Variants in SH3PXD2A observed in about 807,000 individuals in gnomAD.
The protein encoded by SH3PXD2A is SH3 and PX domain-containing protein 2A.
A neutral mutation model predicts 115.2 loss-of-function variants in SH3PXD2A; 32 were observed. That is an observed-to-expected ratio of 0.28 (90% CI 0.21 to 0.37). SH3PXD2A has a LOEUF of 0.37. Among genes scored for constraint, SH3PXD2A ranks in the 10% least tolerant of loss-of-function variants. The pLI, the probability that SH3PXD2A is intolerant of heterozygous loss-of-function variation, is 1.00. For missense variants in SH3PXD2A, 1,328 were observed against 1,498.7 expected, an observed-to-expected ratio of 0.89 and a Z score of 1.88; for synonymous variants, 610 against 629.1, an observed-to-expected ratio of 0.97 and a Z score of 0.45.
intron 5 of SH3PXD2A, among the ~76,000 whole-genome samples, chr10:103,722,942 G>A (rs7088114): frequency 0.42 from 63,511 of 152,020 alleles, 14,184 homozygotes; most frequent in African/African-American, 0.58. Context: ...TTCCTCCCTC[G>A]AAATGCCCAG....
chr10:103,616,499 T>A (rs1002443795), intron 11 of SH3PXD2A, among the ~76,000 whole-genome samples: 2 of 152,194 alleles, frequency 1.3e-5, no homozygotes, highest in African/African-American at 4.8e-5. Flanking sequence ...CACGGGATTG[T>A]TTGCCTCCAG....
At chr10:103,721,259 T>C (rs2038178743) in intron 5 of SH3PXD2A, among the ~76,000 whole-genome samples, 1 of 152,178 alleles carries the variant, frequency 6.6e-6, no homozygotes, top group Admixed American at 6.5e-5. Context: ...AGCTCGTGAG[T>C]TCTGCATTAT....
In SH3PXD2A at chr10:103,782,404, C is replaced by G. The variant is rs1450052234; in HGVS notation, c.154-15235G>C. Among the ~76,000 whole-genome samples the G allele has an allele frequency of 2.0e-5, 3 of 152,202 alleles. No individual in the cohort carries two copies. In the East Asian group the frequency reaches 5.8e-4, roughly 29 times the overall value. On this transcript the variant is annotated intron_variant, in intron 2 of 14. Transcript: ENST00000369774. ...TAACAAGCAGATCCCAATAGTAAATCTAGCCCATAGGCAAAGATGGGCACA... is the reference window on the plus strand; with the variant it reads ...TAACAAGCAGATCCCAATAGTAAATGTAGCCCATAGGCAAAGATGGGCACA...
intron 3 of SH3PXD2A, among the ~76,000 whole-genome samples, chr10:103,760,012 CA>C (rs1323649591): frequency 2.0e-5 from 3 of 152,214 alleles, no homozygotes; most frequent in Non-Finnish European, 4.4e-5. Context: ...ATGATCTTTT[CA>C]AAGGTGCTTG....
intron 5 of SH3PXD2A, among the ~76,000 whole-genome samples, chr10:103,714,812 T>A (rs1285923504): frequency 6.6e-6 from 1 of 151,998 alleles, no homozygotes; most frequent in East Asian, 1.9e-4. Flanking sequence ...GCCAGATGGG[T>A]GGTGGCAGGG....
chr10:103,613,184 CAGGT>C lies in SH3PXD2A; in HGVS notation c.923_926del (p.Tyr308TrpfsTer12). On this transcript the variant is annotated frameshift_variant and splice_region_variant, in exon 12 of 15. Coordinates refer to ENST00000369774, the MANE Select transcript of SH3PXD2A (RefSeq NM_001394015.1). LOFTEE classifies it high-confidence loss of function. ...ATGCTGGCGCCCAGCCCTCTTTGCCCAGGTATCTGTGGGGAGGAGCAGGATGTGC... is the reference window on the plus strand; with the variant it reads ...ATGCTGGCGCCCAGCCCTCTTTGCCCATCTGTGGGGAGGAGCAGGATGTGC... The C allele has an allele frequency of 6.3e-7, 1 of 1,595,610 alleles. No individual in the cohort carries two copies. Among genetic ancestry groups the C allele is most frequent in the Non-Finnish European group, 8.5e-7 (1 of 1,172,432 alleles).
chr10:103,786,795 G>C (rs970358613), intron 2 of SH3PXD2A, among the ~76,000 whole-genome samples: 1 of 152,196 alleles, frequency 6.6e-6, no homozygotes, highest in Non-Finnish European at 1.5e-5. Context: ...CACAAAGCAC[G>C]TGCCAACACT....
chr10:103,634,017 G>C (rs2036827938), intron 8 of SH3PXD2A, among the ~76,000 whole-genome samples: 1 of 152,212 alleles, frequency 6.6e-6, no homozygotes, highest in Non-Finnish European at 1.5e-5. Flanking sequence ...CGTACATTCG[G>C]CTCCATAGCA....
intron 1 of SH3PXD2A, among the ~76,000 whole-genome samples, chr10:103,816,189 A>G (rs1033287709): frequency 6.6e-6 from 1 of 152,206 alleles, no homozygotes; most frequent in Non-Finnish European, 1.5e-5. Context: ...ACGTAAGGTG[A>G]TGGATGTGGT....
rs540093356 is a variant in SH3PXD2A, at chr10:103,669,316, C to T, written c.428-664G>A. On this transcript the variant is annotated intron_variant, in intron 6 of 14. Transcript: ENST00000369774. ...GAAGAGATGAGGGCTCTACTCCAGG[C>T]TCAGACAGTGGTGTCCAATCTGGGC... 2.6e-5 allele frequency among the ~76,000 whole-genome samples: 4 copies of T among 152,346 alleles called. No individual in the cohort carries two copies. In the South Asian group the frequency reaches 8.3e-4, roughly 32 times the overall value.
intron 6 of SH3PXD2A, among the ~76,000 whole-genome samples, chr10:103,683,695 C>T (rs1447695582): frequency 6.6e-6 from 1 of 152,072 alleles, no homozygotes; most frequent in Non-Finnish European, 1.5e-5. Context: ...ACAACAACAA[C>T]AAAAAAGCAA....
In SH3PXD2A at chr10:103,666,606, C is replaced by G. The variant is rs1221442078; in HGVS notation, c.472+2002G>C. On this transcript the variant is annotated intron_variant, in intron 7 of 14. Coordinates refer to ENST00000369774, the MANE Select transcript of SH3PXD2A (RefSeq NM_001394015.1). This position sits in a 1 kb window ranked among gnomAD's most constrained non-coding sequence, Gnocchi z 4.5. The stretch of plus-strand genomic sequence containing the variant: ...AGAGTCCAAAGGTCTGAGGTCCAGT[C>G]CTGCTTTGCCCTTACTAGCTCTGAG... 2.0e-5 allele frequency among the ~76,000 whole-genome samples: 3 copies of G among 152,212 alleles called. No homozygotes were observed. Among genetic ancestry groups the G allele is most frequent in the African/African-American group, 7.2e-5 (3 of 41,446 alleles).
intron 2 of SH3PXD2A, among the ~76,000 whole-genome samples, chr10:103,792,363 G>A (rs954779904): frequency 6.6e-6 from 1 of 152,202 alleles, no homozygotes; most frequent in Non-Finnish European, 1.5e-5. Context: ...TTTGGTGAAA[G>A]TGATGTCTAC....
At chr10:103,650,972 G>T (rs951102971) in intron 8 of SH3PXD2A, among the ~76,000 whole-genome samples, 2 of 152,252 alleles carry the variant, frequency 1.3e-5, no homozygotes, top group Non-Finnish European at 2.9e-5. Context: ...GCTCATGTTT[G>T]TTGACTGAAT....
At chr10:103,729,431 T>G (rs530143285) in intron 4 of SH3PXD2A, among the ~76,000 whole-genome samples, 2 of 152,356 alleles carry the variant, frequency 1.3e-5, no homozygotes, top group Admixed American at 1.3e-4. Flanking sequence ...ACCAGTGAAT[T>G]CATTTGTCTG....
chr10:103,731,084 C>A (rs915555360), intron 4 of SH3PXD2A, among the ~76,000 whole-genome samples: 1 of 151,254 alleles, frequency 6.6e-6, no homozygotes, highest in Non-Finnish European at 1.5e-5. Context: ...GCACTTGGAA[C>A]CAGCCCACAC....
At chr10:103,848,208 TCTCCTC>T (rs10597762) in intron 1 of SH3PXD2A, among the ~76,000 whole-genome samples, 131,404 of 151,214 alleles carry the variant, frequency 0.87, 58,268 homozygotes, top group East Asian at 0.99. Context: ...TGCTGCTCCC[TCTCCTC>T]CTCCTCCTCC....
intron 8 of SH3PXD2A, among the ~76,000 whole-genome samples, chr10:103,651,599 C>A (rs1445564262): frequency 6.6e-6 from 1 of 152,244 alleles, no homozygotes; most frequent in Non-Finnish European, 1.5e-5. Context: ...AACCTTGGGG[C>A]AAGTCACTTC....
At chr10:103,788,112 C>T (rs1281839548) in intron 2 of SH3PXD2A, among the ~76,000 whole-genome samples, 1 of 152,178 alleles carries the variant, frequency 6.6e-6, no homozygotes, top group African/African-American at 2.4e-5. Context: ...CTTCCCCTCT[C>T]CAGGGATGCC....
Sources: gnomAD v4.1 joint callset for allele counts (sites outside exome capture counted in the v4.1 genomes callset) on GRCh38, gnomAD v4.1.1 for gene constraint, Gnocchi (gnomAD v3.1) non-coding constraint, MANE v1.5 for transcripts, NCBI Gene and HGNC (gene_info 2026-07-23, HGNC 2026-07-21) for gene names.